HCN1: variants seen among roughly 807,000 people sequenced by gnomAD.
HCN1 encodes hyperpolarization activated cyclic nucleotide gated potassium channel 1, also known as potassium/sodium hyperpolarization-activated cyclic nucleotide-gated channel 1.
A neutral mutation model predicts 78.9 loss-of-function variants in HCN1; 13 were observed. The ratio of observed to expected loss-of-function variants is 0.16; its 90% CI spans 0.11 to 0.26. The LOEUF (loss-of-function observed/expected upper bound fraction) is 0.26. Ranked by LOEUF, HCN1 falls within the 10% of genes least tolerant of loss-of-function variation. The pLI, the probability that HCN1 is intolerant of heterozygous loss-of-function variation, is 1.00. For synonymous variants in HCN1, 552 were observed against 455.5 expected, an observed-to-expected ratio of 1.21 and a Z score of -2.70; for missense variants, 810 against 1,154.3, an observed-to-expected ratio of 0.70 and a Z score of 4.32.
At chr5:45,626,089 A>G (rs1385129998) in intron 2 of HCN1, among the ~76,000 whole-genome samples, 3 of 152,204 alleles carry the variant, frequency 2.0e-5, no homozygotes, top group Non-Finnish European at 4.4e-5. Flanking sequence ...ACCCTACTGT[A>G]TAGATAGGAA....
At chr5:45,487,785 A>C (rs899390040) in intron 2 of HCN1, among the ~76,000 whole-genome samples, 5 of 152,146 alleles carry the variant, frequency 3.3e-5, no homozygotes, top group Admixed American at 6.5e-5. Flanking sequence ...AAGAAAATTT[A>C]GTAAAACTTA....
intron 2 of HCN1, among the ~76,000 whole-genome samples, chr5:45,593,982 T>C (rs1744437713): frequency 6.6e-6 from 1 of 152,168 alleles, no homozygotes; most frequent in Non-Finnish European, 1.5e-5. Flanking sequence ...AGTCTATTCC[T>C]GAATTTTAAA....
chr5:45,348,715 T>G (rs760134242), intron 5 of HCN1, among the ~76,000 whole-genome samples: 18 of 151,368 alleles, frequency 1.2e-4, no homozygotes, highest in Non-Finnish European at 2.4e-4. Flanking sequence ...AAGGCAAGGG[T>G]TGCAATCCTA....
chr5:45,545,505 G>A (rs530188992), intron 2 of HCN1, among the ~76,000 whole-genome samples: 69 of 152,230 alleles, frequency 4.5e-4, no homozygotes, highest in African/African-American at 1.6e-3. Context: ...TGGGGTTTTA[G>A]TCATGAAGTC....
intron 4 of HCN1, among the ~76,000 whole-genome samples, chr5:45,375,097 A>ATTTT (rs1561131005): frequency 9.0e-6 from 1 of 110,636 alleles, no homozygotes; most frequent in African/African-American, 3.4e-5. Flanking sequence ...TATATAATAT[A>ATTTT]ATATTTTATA....
At chr5:45,370,186 T>G (rs1383711274) in intron 4 of HCN1, among the ~76,000 whole-genome samples, 2 of 152,012 alleles carry the variant, frequency 1.3e-5, no homozygotes, top group Admixed American at 6.6e-5. Context: ...GTTCTTCAAA[T>G]AGACATAACT....
At chr5:45,372,030 AATTATATATAT>A (rs1251753593) in intron 4 of HCN1, among the ~76,000 whole-genome samples, 16 of 68,314 alleles carry the variant, frequency 2.3e-4, no homozygotes, top group African/African-American at 9.5e-4. Context: ...TATATAATAT[AATTATATATAT>A]ATTATATATA....
intron 6 of HCN1, among the ~76,000 whole-genome samples, chr5:45,291,793 G>A (rs1044802021): frequency 6.6e-6 from 1 of 152,122 alleles, no homozygotes; most frequent in Non-Finnish European, 1.5e-5. Context: ...GTACCCCAAA[G>A]TGCCGGGAAT....
At chr5:45,343,428 T>G (rs1466291466) in intron 5 of HCN1, among the ~76,000 whole-genome samples, 1 of 152,194 alleles carries the variant, frequency 6.6e-6, no homozygotes. Context: ...TGTGAGATGC[T>G]TTAGTTTAGG....
intron 4 of HCN1, among the ~76,000 whole-genome samples, chr5:45,379,397 G>T (rs894470529): frequency 6.6e-6 from 1 of 151,864 alleles, no homozygotes; most frequent in African/African-American, 2.4e-5. Context: ...TAAGAAATAT[G>T]GTATCTAAGA....
At chr5:45,607,591 ATATATC>A (rs1195019830) in intron 2 of HCN1, among the ~76,000 whole-genome samples, 2 of 148,998 alleles carry the variant, frequency 1.3e-5, no homozygotes, top group Non-Finnish European at 3.0e-5. Context: ...ATATATATAT[ATATATC>A]TATAGATAGA....
chr5:45,497,315 C>T (rs1742060206), intron 2 of HCN1, among the ~76,000 whole-genome samples: 1 of 152,090 alleles, frequency 6.6e-6, no homozygotes, highest in Admixed American at 6.5e-5. Flanking sequence ...TAAAGTCTCC[C>T]ATTATTAATG....
At position 45,303,226 on chromosome 5, in the gene HCN1, A is replaced by G. The variant is rs773130216; in HGVS notation, c.1618+373T>C. Among the ~76,000 whole-genome samples, 9 of 152,126 alleles carry G rather than the reference A, an allele frequency of 5.9e-5. No individual in the cohort carries two copies. In the South Asian group the frequency reaches 6.2e-4, roughly 10 times the overall value. On this transcript the variant is annotated intron_variant, in intron 6 of 7. Transcript: ENST00000303230. The stretch of plus-strand genomic sequence containing the variant: ...TTTCTTCTATTATTTCTGCCCCATT[A>G]TATGGGCCGTATCAAAACATGGTGG...
intron 5 of HCN1, among the ~76,000 whole-genome samples, chr5:45,310,112 A>AT (rs1745821078): frequency 6.6e-6 from 1 of 152,116 alleles, no homozygotes; most frequent in African/African-American, 2.4e-5. Flanking sequence ...ACGAGCAAAG[A>AT]TTTTATAATG....
intron 3 of HCN1, among the ~76,000 whole-genome samples, chr5:45,406,818 G>A (rs1739934593): frequency 6.6e-6 from 1 of 152,148 alleles, no homozygotes; most frequent in Admixed American, 6.5e-5. Flanking sequence ...TTTCATTAGA[G>A]AAAAACGCTG....
intron 4 of HCN1, among the ~76,000 whole-genome samples, chr5:45,393,985 C>A (rs1043878781): frequency 2.0e-5 from 3 of 152,110 alleles, no homozygotes; most frequent in African/African-American, 7.2e-5. Context: ...CTAGTGAATA[C>A]ATTCCTTTTG....
intron 2 of HCN1, among the ~76,000 whole-genome samples, chr5:45,563,071 C>G (rs1029028528): frequency 7.2e-5 from 11 of 152,242 alleles, no homozygotes; most frequent in African/African-American, 2.4e-4. Flanking sequence ...GAAACAGTCC[C>G]TTAATAAACC....
chr5:45,502,116 A>G (rs750839644), intron 2 of HCN1, among the ~76,000 whole-genome samples: 8 of 152,174 alleles, frequency 5.3e-5, no homozygotes, highest in Non-Finnish European at 1.0e-4. Flanking sequence ...TAGCCTCACA[A>G]ATTAAAATCC....
At chr5:45,406,848 G>GT (rs1233764998) in intron 3 of HCN1, among the ~76,000 whole-genome samples, 1 of 152,152 alleles carries the variant, frequency 6.6e-6, no homozygotes. Context: ...TTCCTGGAGA[G>GT]TGTGAGGTCA....
Sources: allele counts gnomAD v4.1 joint callset (sites outside exome capture counted in the v4.1 genomes callset), GRCh38; gene constraint gnomAD v4.1.1; transcripts MANE v1.5; gene names NCBI Gene and HGNC (gene_info 2026-07-23, HGNC 2026-07-21).